CARS2: variants seen among roughly 807,000 people sequenced by gnomAD.
CARS2 encodes probable cysteine--tRNA ligase, mitochondrial.
CARS2 carries 52 observed loss-of-function variants against 68.8 expected under a neutral mutation model. The observed-to-expected ratio is 0.76, with a 90% confidence interval of 0.61 to 0.95. The LOEUF is 0.95. Ranked by LOEUF, CARS2 falls within the 40% of genes least tolerant of loss-of-function variation. The probability of loss-of-function intolerance (pLI) is 0.00; values close to 1 mark genes in which losing one functional copy is unlikely to be tolerated. For synonymous variants in CARS2, 314 were observed against 303.6 expected, an observed-to-expected ratio of 1.03 and a Z score of -0.36; for missense variants, 780 against 754.2, an observed-to-expected ratio of 1.03 and a Z score of -0.40.
Position 110,705,514 on chromosome 13 carries a change from A to G in CARS2, c.275+7T>C. ...GAAGTATGAAAATTCAAATCCAGGAAACTCACCAAGCATGGCCAAGGTGCG... is the reference window on the plus strand; with the variant it reads ...GAAGTATGAAAATTCAAATCCAGGAGACTCACCAAGCATGGCCAAGGTGCG... On this transcript the variant is annotated splice_region_variant and intron_variant, in intron 2 of 14. Coordinates refer to ENST00000257347, the MANE Select transcript of CARS2 (RefSeq NM_024537.4). This position sits in a 1 kb window ranked among gnomAD's most constrained non-coding sequence, Gnocchi z 4.0. 6.3e-7 allele frequency: 1 copy of G among 1,580,528 alleles called. No homozygotes were observed.
chr13:110,706,820 AG>A (rs1185743280), upstream of CARS2, among the ~76,000 whole-genome samples: 1 of 144,810 alleles, frequency 6.9e-6, no homozygotes, highest in Admixed American at 6.8e-5. Flanking sequence ...TGTGCACCCC[AG>A]CACACACATC....
At chr13:110,662,945 G>A (rs1263068362) in intron 9 of CARS2, 11 of 454,646 alleles carry the variant, frequency 2.4e-5, no homozygotes, top group South Asian at 9.3e-5. Context: ...AGAGCCCTCC[G>A]TGGGTGTGCC....
At chr13:110,673,503 A>G (rs887112825) in intron 7 of CARS2, among the ~76,000 whole-genome samples, 35 of 152,260 alleles carry the variant, frequency 2.3e-4, no homozygotes, top group African/African-American at 8.2e-4. Context: ...CCTTTTGACA[A>G]AATTCAACAG....
At chr13:110,697,981 G>A (rs1387830177) in intron 3 of CARS2, 3 of 455,822 alleles carry the variant, frequency 6.6e-6, no homozygotes, top group Non-Finnish European at 1.3e-5. Flanking sequence ...AGAGACAAGA[G>A]AAGAGCTCTG....
intron 6 of CARS2, among the ~76,000 whole-genome samples, chr13:110,680,539 G>T (rs11619800): frequency 6.6e-6 from 1 of 152,122 alleles, no homozygotes; most frequent in South Asian, 2.1e-4. Flanking sequence ...GAGCCCTTAC[G>T]TGTCTCCTGG....
chr13:110,688,084 A>C, intron 3 of CARS2, 66 bp from the exon 4 acceptor site: 2 of 1,124,590 alleles, frequency 1.8e-6, no homozygotes, highest in Non-Finnish European at 1.3e-6. Context: ...ACCCAGCCAC[A>C]AGAAAGCCCA....
At position 110,653,523 on chromosome 13, in the gene CARS2, C is replaced by G. The variant is rs1198963152; in HGVS notation, c.988-2423G>C. Among the ~76,000 whole-genome samples the G allele has an allele frequency of 6.6e-6, 1 of 152,164 alleles. No homozygotes were observed. Among genetic ancestry groups the G allele is most frequent in the East Asian group, 1.9e-4 (1 of 5,188 alleles). ...CTCCACAAGCAGCCTCCACGCTCCC[C>G]ACTTCATTCCAAAAACGATTTCACC... On this transcript the variant is annotated intron_variant, in intron 9 of 14. Transcript: ENST00000257347. This position sits in a 1 kb window ranked among gnomAD's most constrained non-coding sequence, Gnocchi z 5.6.
At chr13:110,661,219 A>G (rs1301660404) in intron 9 of CARS2, among the ~76,000 whole-genome samples, 1 of 152,234 alleles carries the variant, frequency 6.6e-6, no homozygotes, top group African/African-American at 2.4e-5. Flanking sequence ...CAAAAGTCCT[A>G]GACAGCATCT....
intron 2 of CARS2, among the ~76,000 whole-genome samples, chr13:110,701,915 G>A (rs1241504938): frequency 1.3e-5 from 2 of 152,156 alleles, no homozygotes; most frequent in Non-Finnish European, 2.9e-5. Flanking sequence ...ATGTTCTAGA[G>A]TAATTCTAAT....
At chr13:110,692,890 T>C (rs542803133) in intron 3 of CARS2, among the ~76,000 whole-genome samples, 5 of 151,932 alleles carry the variant, frequency 3.3e-5, no homozygotes, top group Non-Finnish European at 5.9e-5. Context: ...GGTGGGCAGA[T>C]CATGAGGTCA....
chr13:110,686,705 C>T (rs552911172), intron 5 of CARS2, among the ~76,000 whole-genome samples: 6 of 151,656 alleles, frequency 4.0e-5, no homozygotes, highest in Admixed American at 6.6e-5. Context: ...CACAGGCGCG[C>T]GATACCAGGC....
In CARS2 at chr13:110,686,241, G is replaced by A. The variant is rs1397764334; in HGVS notation, c.571+1480C>T. On this transcript the variant is annotated intron_variant, in intron 5 of 14. Transcript: ENST00000257347. ...ATGCGACAGAACATCTGCAACTCAC[G>A]CTTTTTTTTTTTTTTTTTGAGACAA... Among the ~76,000 whole-genome samples, 4 of 115,458 alleles carry A rather than the reference G, an allele frequency of 3.5e-5. No individual in the cohort carries two copies. The East Asian group carries it at 1.0e-3, about 30-fold the overall frequency. The allele number at this position is 115,458 out of a possible 152,430, so 75.7% of individuals were successfully genotyped here. A position where few individuals can be genotyped will look rare whatever the true frequency, so the allele number is the denominator to read the frequency against.
rs1256266992 is a variant in CARS2 at position 110,705,238 on chromosome 13, G to C, written c.275+283C>G. Among the ~76,000 whole-genome samples, 1 of 152,252 alleles carries C rather than the reference G, an allele frequency of 6.6e-6. No individual in the cohort carries two copies. Among genetic ancestry groups the C allele is most frequent in the Non-Finnish European group, 1.5e-5 (1 of 68,026 alleles). On this transcript the variant is annotated intron_variant, in intron 2 of 14. Transcript: ENST00000257347. The surrounding 1 kb of genome is among the most constrained non-coding windows in gnomAD (Gnocchi z 4.0). ...CAGCAGGACCCCGGGACCCCGCAAAGGCCTCTTGATGTCACTAAACCCAGC... is the reference window on the plus strand; with the variant it reads ...CAGCAGGACCCCGGGACCCCGCAAACGCCTCTTGATGTCACTAAACCCAGC...
upstream of CARS2, chr13:110,706,121 G>T (rs553156729): frequency 3.1e-6 from 4 of 1,286,052 alleles, no homozygotes; most frequent in South Asian, 2.4e-5. Flanking sequence ...ACGACTGGGC[G>T]GAGACGGGAG....
chr13:110,705,875 G>A lies in CARS2; in HGVS notation c.219C>T (p.Ala73=). The change falls in exon 1 of 15, where the codon GCC becomes GCT. Residue 73 remains alanine (A), a synonymous_variant. Coordinates refer to ENST00000257347, the MANE Select transcript of CARS2 (RefSeq NM_024537.4). The surrounding 1 kb of genome is among the most constrained non-coding windows in gnomAD (Gnocchi z 4.0). ...EPLIVAHAEA[A]SWYSCGPTVY... is the part of the protein sequence containing the mutation. ...CCCAGTCCCGCGCGGCCCACCAGGAGGCGGCTTCGGCGTGCGCCACGATTA... is the reference window on the plus strand; with the variant it reads ...CCCAGTCCCGCGCGGCCCACCAGGAAGCGGCTTCGGCGTGCGCCACGATTA... 1.3e-6 allele frequency: 2 copies of A among 1,559,860 alleles called. No individual in the cohort carries two copies. The highest frequency in any genetic ancestry group is 1.7e-6 in the Non-Finnish European group (2 of 1,155,012).
chr13:110,664,921 T>G (rs2062607657), intron 8 of CARS2: 1 of 812,258 alleles, frequency 1.2e-6, no homozygotes, highest in Non-Finnish European at 1.5e-6. Context: ...CCAGCAGAAC[T>G]GTGAGGAATT....
At chr13:110,690,471 T>C (rs2063425787) in intron 3 of CARS2, among the ~76,000 whole-genome samples, 1 of 152,178 alleles carries the variant, frequency 6.6e-6, no homozygotes, top group African/African-American at 2.4e-5. Flanking sequence ...TCTGTGCTGC[T>C]AGCTTCTCTC....
chr13:110,684,870 CA>C lies in CARS2; in HGVS notation c.572-1737del, dbSNP rs1594362718. Among the ~76,000 whole-genome samples the C allele has an allele frequency of 2.6e-5, 4 of 152,244 alleles. No individual in the cohort carries two copies. The East Asian group carries it at 7.7e-4, about 29-fold the overall frequency. ...TGTTTTTCACCAAGAGTTCAAAGAT[CA>C]AATTACAACCAAGCCCTTGTGGAAT... On this transcript the variant is annotated intron_variant, in intron 5 of 14. Coordinates refer to ENST00000257347, the MANE Select transcript of CARS2 (RefSeq NM_024537.4).
Position 110,665,692 on chromosome 13 carries a change from G to T in CARS2, c.919+1648C>A, listed in dbSNP as rs1361613993. 2.0e-6 allele frequency: 2 copies of T among 985,244 alleles called. No homozygotes were observed. Among genetic ancestry groups the T allele is most frequent in the African/African-American group, 3.5e-5 (2 of 57,202 alleles). 61.0% of individuals were successfully genotyped at this position (985,244 alleles called of 1,614,324 possible). ...CGTGCCTGCGGAGGGAGCAACTCCA[G>T]CTCCTCAGACAGTTCAGGGAGCGCT... On this transcript the variant is annotated intron_variant, in intron 8 of 14. Transcript: ENST00000257347. This position sits in a 1 kb window ranked among gnomAD's most constrained non-coding sequence, Gnocchi z 4.3.
Sources: allele counts gnomAD v4.1 joint callset (sites outside exome capture counted in the v4.1 genomes callset), GRCh38; gene constraint gnomAD v4.1.1; non-coding constraint Gnocchi (gnomAD v3.1); transcripts MANE v1.5; gene names NCBI Gene and HGNC (gene_info 2026-07-23, HGNC 2026-07-21).